Variants in KALRN observed in about 807,000 individuals in gnomAD.
KALRN encodes kalirin.
A neutral mutation model predicts 353.7 loss-of-function variants in KALRN; 70 were observed. The observed-to-expected ratio is 0.20, with a 90% CI of 0.16 to 0.24. The LOEUF (loss-of-function observed/expected upper bound fraction) is 0.24, where lower values mean the gene tolerates loss of function less well. KALRN is among the 10% of genes least tolerant of loss of function. The pLI is 1.00. For synonymous variants in KALRN, 1,391 were observed against 1,434.8 expected (o/e 0.97, Z 0.69); for missense variants, 2,791 against 3,756.7 (o/e 0.74, Z 6.72).
In KALRN at chr3:124,658,443, C is replaced by G. The variant is rs758711235; in HGVS notation, c.6049C>G (p.His2017Asp). Residue 2017 changes from histidine (H) to aspartate (D), a missense_variant, in exon 42 of 60, where the codon CAC (histidine) becomes GAC (aspartate). Coordinates refer to ENST00000682506, the MANE Select transcript of KALRN (RefSeq NM_001388419.1). ...QLFIKHERKL[H>D]IYVWYCQNKP... ...TCTGCTCTTTCAGGAGCGGAAGCTG[C>G]ACATCTACGTGTGGTATTGTCAGAA... 2.5e-6 allele frequency: 4 copies of G among 1,613,250 alleles called. No individual in the cohort carries two copies. In the Admixed American group the frequency reaches 5.0e-5, roughly 20 times the overall value.
chr3:124,603,328 C>A (rs2077003730), intron 34 of KALRN, among the ~76,000 whole-genome samples: 1 of 152,224 alleles, frequency 6.6e-6, no homozygotes, highest in Non-Finnish European at 1.5e-5. Context: ...TCTCCTTCTA[C>A]CTGCCTCCTC....
intron 1 of KALRN, among the ~76,000 whole-genome samples, chr3:124,056,776 T>G (rs2041587138): frequency 6.6e-6 from 1 of 152,220 alleles, no homozygotes; most frequent in African/African-American, 2.4e-5. Context: ...CTTTACAAGC[T>G]AAGTTCTGAG....
intron 1 of KALRN, among the ~76,000 whole-genome samples, chr3:124,214,854 A>G (rs968717663): frequency 1.3e-5 from 2 of 152,170 alleles, no homozygotes; most frequent in African/African-American, 4.8e-5. Context: ...AGGCCAACTA[A>G]GAAAAAGACT....
rs774661727 is a variant in KALRN, at chr3:124,298,880, G to A, written c.1059G>A (p.Gln353=). The change falls in exon 6 of 60, where the codon CAG becomes CAA. Residue 353 remains glutamine, a synonymous_variant. Coordinates refer to ENST00000682506, the MANE Select transcript of KALRN (RefSeq NM_001388419.1). ...GVSYQYALDL[Q]TQHNHFAMNS... ...GCTACCAGTACGCCCTTGACCTCCA[G>A]ACGCAGCACAATCACTTTGCCATGA... 6.2e-7 allele frequency: 1 copy of A among 1,614,194 alleles called. No individual in the cohort carries two copies. Among genetic ancestry groups the A allele is most frequent in the South Asian group, 1.1e-5 (1 of 91,080 alleles).
intron 1 of KALRN, chr3:124,082,478 C>A: frequency 2.8e-6 from 1 of 354,024 alleles, no homozygotes; most frequent in Non-Finnish European, 5.6e-6. Flanking sequence ...GCCAGTTCTG[C>A]TTCAGAAAAT....
At chr3:124,584,884 C>T (rs2074985570) in intron 34 of KALRN, 1 of 1,605,092 alleles carries the variant, frequency 6.2e-7, no homozygotes. Context: ...TTGCTAAGTG[C>T]TGCTGTTGCT....
At chr3:124,297,148 A>G (rs1042906017) in intron 5 of KALRN, among the ~76,000 whole-genome samples, 1 of 152,248 alleles carries the variant, frequency 6.6e-6, no homozygotes, top group Non-Finnish European at 1.5e-5. Context: ...GGCACATAGC[A>G]GGTATCCCAT....
chr3:124,264,548 C>G lies in KALRN; in HGVS notation c.314C>G (p.Ser105Cys). The part of the protein sequence containing the change: ...GFTVIIDMRG[S>C]KWDLIKPLLK... ...ACTGTCATCATCGACATGCGGGGCT[C>G]CAAGTGGGACCTCATCAAGCCCCTC... The change falls in exon 4 of 60, where the codon TCC (serine) becomes TGC (cysteine). Residue 105 changes from serine to cysteine, a missense_variant. By Grantham distance (112) the Ser-to-Cys change is moderately radical. Around this residue, in one of 11 missense-constraint regions of KALRN, gnomAD observed 110 missense variants for 204.1 expected, o/e 0.54. Transcript: ENST00000682506. The G allele has an allele frequency of 6.2e-7, 1 of 1,614,096 alleles. No homozygotes were observed. The highest frequency in any genetic ancestry group is 8.5e-7 in the Non-Finnish European group (1 of 1,179,998).
chr3:124,175,369 G>A (rs1343873589), intron 1 of KALRN, among the ~76,000 whole-genome samples: 1 of 149,798 alleles, frequency 6.7e-6, no homozygotes, highest in Non-Finnish European at 1.5e-5. Context: ...TCCAGGATGC[G>A]GAGATGTGCG....
intron 5 of KALRN, among the ~76,000 whole-genome samples, chr3:124,283,804 G>A (rs2075574951): frequency 8.6e-6 from 1 of 115,734 alleles, no homozygotes; most frequent in African/African-American, 2.7e-5. Flanking sequence ...CTGCTGAACT[G>A]CAGCTCATCT....
chr3:124,674,498 T>C lies in KALRN; in HGVS notation c.7077T>C (p.Cys2359=), dbSNP rs1415688790. 1.9e-6 allele frequency: 3 copies of C among 1,614,018 alleles called. No homozygotes were observed. Among genetic ancestry groups the C allele is most frequent in the Admixed American group, 1.7e-5 (1 of 59,998 alleles). The change falls in exon 49 of 60, where the codon TGT becomes TGC. Residue 2359 remains cysteine (C), a synonymous_variant. Coordinates refer to ENST00000682506, the MANE Select transcript of KALRN (RefSeq NM_001388419.1). The stretch of plus-strand genomic sequence containing the variant: ...TCGCCGTCAACCAGCAGAACATGTG[T>C]CTGGTGTACCAGCCTGCCAGCGACC... ...QVLAVNQQNM[C]LVYQPASDHS...
chr3:124,610,822 G>A (rs333329), intron 34 of KALRN, among the ~76,000 whole-genome samples: 79,195 of 151,626 alleles, frequency 0.52, 21,982 homozygotes, highest in African/African-American at 0.71. Context: ...ATTAGCCTAG[G>A]CAACATAGTA....
chr3:124,660,494 C>G (rs1204578354), intron 43 of KALRN, among the ~76,000 whole-genome samples: 1 of 151,918 alleles, frequency 6.6e-6, no homozygotes, highest in Non-Finnish European at 1.5e-5. Context: ...CCAACCTGGC[C>G]AACATGGTGA....
intron 33 of KALRN, among the ~76,000 whole-genome samples, chr3:124,503,861 G>C (rs1172238634): frequency 6.6e-6 from 1 of 152,074 alleles, no homozygotes; most frequent in Non-Finnish European, 1.5e-5. Context: ...ATACAACCTA[G>C]GTTCACAGGG....
intron 33 of KALRN, among the ~76,000 whole-genome samples, chr3:124,506,861 CCTTTA>C (rs1336509790): frequency 1.3e-5 from 2 of 152,148 alleles, no homozygotes; most frequent in Non-Finnish European, 2.9e-5. Context: ...ATTATATTTT[CCTTTA>C]CTTGGGATTT....
chr3:124,277,994 C>CTGTGTG (rs1437193234), intron 5 of KALRN, among the ~76,000 whole-genome samples: 2 of 75,540 alleles, frequency 2.6e-5, no homozygotes, highest in Non-Finnish European at 5.9e-5. Flanking sequence ...CAGAGATGAA[C>CTGTGTG]TATGTGTGTG....
In KALRN at chr3:124,152,237, G is replaced by T. The variant is rs527714816; in HGVS notation, c.74-75753G>T. ...TTGCCATAACCACGCTTGTAGATTAGTTCATTTACTGACTTCAGATTTGGG... is the reference window on the plus strand; with the variant it reads ...TTGCCATAACCACGCTTGTAGATTATTTCATTTACTGACTTCAGATTTGGG... On this transcript the variant is annotated intron_variant, in intron 1 of 59. Transcript: ENST00000682506. 20 of 1,572,684 alleles carry T rather than the reference G, an allele frequency of 1.3e-5. No individual in the cohort carries two copies. The East Asian group carries it at 4.5e-4, about 35-fold the overall frequency.
At chr3:124,092,545 A>G (rs530918865) in intron 1 of KALRN, among the ~76,000 whole-genome samples, 1 of 152,190 alleles carries the variant, frequency 6.6e-6, no homozygotes, top group South Asian at 2.1e-4. Context: ...GCATGTCAGC[A>G]CTGCCCTGGA....
intron 2 of KALRN, among the ~76,000 whole-genome samples, chr3:124,230,976 T>C (rs963719163): frequency 1.3e-4 from 20 of 152,120 alleles, no homozygotes; most frequent in Non-Finnish European, 2.2e-4. Flanking sequence ...ATAATGCAGT[T>C]TAACAGTTGG....
Sources: gnomAD v4.1 joint callset for allele counts (sites outside exome capture counted in the v4.1 genomes callset) on GRCh38, gnomAD v4.1.1 for gene constraint, gnomAD v4.1.1 regional missense constraint, MANE v1.5 for transcripts, NCBI Gene and HGNC (gene_info 2026-07-23, HGNC 2026-07-21) for gene names.